Variants in ZNF331 observed in about 807,000 individuals in gnomAD.
ZNF331 encodes the protein C2H2-like zinc finger protein rearranged in thyroid adenomas.
A neutral mutation model predicts 7.0 loss-of-function variants in ZNF331; 2 were observed. That is an observed-to-expected ratio of 0.29 (90% CI 0.12 to 0.90). ZNF331 has a LOEUF of 0.90. ZNF331 is among the 40% of genes least tolerant of loss of function. ZNF331 has a pLI of 0.58. For missense variants in ZNF331, 432 were observed against 587.7 expected (o/e 0.74, Z 2.74); for synonymous variants, 196 against 205.4 (o/e 0.95, Z 0.39).
At chr19:53,556,016 G>A (rs541893027) in intron 3 of ZNF331, 108 bp downstream of exon 3, 13 of 151,728 alleles carry the variant, frequency 8.6e-5, no homozygotes, top group African/African-American at 2.9e-4. Context: ...AGGCCGAGGT[G>A]GGCAAATCAC....
At position 53,576,886 on chromosome 19, in the gene ZNF331, A is replaced by G. The variant is rs112855712; in HGVS notation, c.326A>G (p.Lys109Arg). The change falls in exon 6 of 6, where the codon AAA (lysine) becomes AGA (arginine). Residue 109 changes from lysine to arginine, a missense_variant. Coordinates refer to ENST00000449416, the MANE Select transcript of ZNF331 (RefSeq NM_001079906.2). The stretch of plus-strand genomic sequence containing the variant: ...AATCAGATGATCATCAATTATGTCA[A>G]AAGACCTGCTACTAGAGAAGGCACC... ...YVNQMIINYV[K>R]RPATREGTPP... 7 of 1,614,130 alleles carry G rather than the reference A, an allele frequency of 4.3e-6. No homozygotes were observed. The highest frequency in any genetic ancestry group is 1.6e-4 in the Middle Eastern group (1 of 6,062).
In ZNF331 at chr19:53,576,897, A is replaced by G; in HGVS notation, c.337A>G (p.Thr113Ala). 1 of 1,614,070 alleles carries G rather than the reference A, an allele frequency of 6.2e-7. No homozygotes were observed. Among genetic ancestry groups the G allele is most frequent in the Non-Finnish European group, 8.5e-7 (1 of 1,179,944 alleles). Residue 113 changes from threonine (T) to alanine (A), a missense_variant, in exon 6 of 6, where the codon ACT (threonine) becomes GCT (alanine). This residue lies in a region of ZNF331 where 81 missense variants were observed against 70.3 expected (regional missense o/e 1.15). Transcript: ENST00000449416. The part of the protein sequence containing the change: ...MIINYVKRPA[T>A]REGTPPRTHQ... ...CATCAATTATGTCAAAAGACCTGCT[A>G]CTAGAGAAGGCACCCCTCCTAGAAC...
At chr19:53,517,454 G>A (rs11881286), upstream of ZNF331, among the ~76,000 whole-genome samples, 9,263 of 152,162 alleles carry the variant, frequency 0.061, 317 homozygotes, top group East Asian at 0.15. Flanking sequence ...AGCTCAAAAC[G>A]GCCATCTTAA....
chr19:53,569,365 A>C lies in ZNF331; in HGVS notation c.-12A>C. On this transcript the variant is annotated 5_prime_UTR_variant, in exon 4 of 6. Coordinates refer to ENST00000449416, the MANE Select transcript of ZNF331 (RefSeq NM_001079906.2). ...CCCCGAGAAGACTGATCAGTTCTTCAGTTCTAAAACAATGGCCCAGGTAAG... is the reference window on the plus strand; with the variant it reads ...CCCCGAGAAGACTGATCAGTTCTTCCGTTCTAAAACAATGGCCCAGGTAAG... The C allele has an allele frequency of 6.2e-7, 1 of 1,613,788 alleles. No individual in the cohort carries two copies. Among genetic ancestry groups the C allele is most frequent in the South Asian group, 1.1e-5 (1 of 91,054 alleles).
At chr19:53,536,196 A>T (rs372086031), upstream of ZNF331, 4 of 152,284 alleles carry the variant, frequency 2.6e-5, no homozygotes, top group African/African-American at 7.2e-5. Flanking sequence ...TTTTATGAAA[A>T]TGGATTGAGA....
Position 53,571,881 on chromosome 19 carries a change from C to G in ZNF331, c.136+151C>G. 1 of 988,464 alleles carries G rather than the reference C, an allele frequency of 1.0e-6. No individual in the cohort carries two copies. Among genetic ancestry groups the G allele is most frequent in the Non-Finnish European group, 1.4e-6 (1 of 708,142 alleles). The allele number at this position is 988,464 out of a possible 1,614,324, so 61.2% of individuals were successfully genotyped here. A position where few individuals can be genotyped will look rare whatever the true frequency, so the allele number is the denominator to read the frequency against. Reference sequence around the variant, plus strand: ...GCCTTATTGATGTGGCCGTGAGCACCACAACCTTCCCCTCCCATCCATCGG... The same window carrying G: ...GCCTTATTGATGTGGCCGTGAGCACGACAACCTTCCCCTCCCATCCATCGG... On this transcript the variant is annotated intron_variant, in intron 5 of 5. Coordinates refer to ENST00000449416, the MANE Select transcript of ZNF331 (RefSeq NM_001079906.2). The surrounding 1 kb of genome is among the most constrained non-coding windows in gnomAD (Gnocchi z 4.7).
intron 2 of ZNF331, chr19:53,523,407 CG>C (rs1439402756): frequency 6.6e-6 from 1 of 151,544 alleles, no homozygotes; most frequent in Non-Finnish European, 1.5e-5. Context: ...TTAGTAGAGA[CG>C]GGGTTTCATC....
intron 2 of ZNF331, among the ~76,000 whole-genome samples, chr19:53,544,500 ACG>A (rs1568483922): frequency 1.3e-5 from 2 of 149,534 alleles, no homozygotes; most frequent in Non-Finnish European, 3.0e-5. Flanking sequence ...AGCCGAGATC[ACG>A]CCACTGCACT....
the ZNF331 span, among the ~76,000 whole-genome samples, chr19:53,509,885 C>T: frequency 6.6e-6 from 1 of 152,130 alleles, no homozygotes; most frequent in Admixed American, 6.5e-5. Flanking sequence ...ACAGTCATGG[C>T]AGAAGGGGAA....
At chr19:53,559,617 TACACACATATAC>T (rs2089709344) in intron 3 of ZNF331, among the ~76,000 whole-genome samples, 1 of 129,690 alleles carries the variant, frequency 7.7e-6, no homozygotes, top group Non-Finnish European at 1.7e-5. Context: ...ACCCCATATA[TACACACATATAC>T]ACACACATCC....
chr19:53,534,104 G>A (rs1330741955), upstream of ZNF331, among the ~76,000 whole-genome samples: 3 of 152,286 alleles, frequency 2.0e-5, no homozygotes, highest in Non-Finnish European at 4.4e-5. Context: ...CTGAGACACA[G>A]TGAAAGGTCA....
the ZNF331 span, among the ~76,000 whole-genome samples, chr19:53,505,739 C>T: frequency 7.7e-3 from 1,171 of 152,284 alleles, 10 homozygotes; most frequent in Middle Eastern, 0.024. Context: ...GTAATCCCAG[C>T]GCTTTGGAAG....
the ZNF331 span, chr19:53,503,775 C>G: frequency 1.4e-6 from 1 of 700,228 alleles, no homozygotes; most frequent in Non-Finnish European, 2.6e-6. Context: ...AGCACGCTGG[C>G]TCCTGTGTGT....
intron 2 of ZNF331, among the ~76,000 whole-genome samples, chr19:53,546,199 T>C (rs1445367000): frequency 6.6e-6 from 1 of 150,838 alleles, no homozygotes; most frequent in Non-Finnish European, 1.5e-5. Flanking sequence ...TTGCGGTTTT[T>C]GCCATTATGT....
At chr19:53,565,002 T>A (rs1037925350) in intron 3 of ZNF331, among the ~76,000 whole-genome samples, 2 of 152,248 alleles carry the variant, frequency 1.3e-5, no homozygotes, top group Non-Finnish European at 2.9e-5. Flanking sequence ...TATTTCCTTG[T>A]CATAAATTCC....
At chr19:53,523,031 GTTAA>G (rs1568456920) in intron 2 of ZNF331, among the ~76,000 whole-genome samples, 1 of 151,916 alleles carries the variant, frequency 6.6e-6, no homozygotes, top group Non-Finnish European at 1.5e-5. Context: ...TTTTAACATG[GTTAA>G]TTTTTTAAAT....
At chr19:53,538,094 G>C (rs894891682), upstream of ZNF331, 1 of 152,332 alleles carries the variant, frequency 6.6e-6, no homozygotes, top group Non-Finnish European at 1.5e-5. Context: ...CGCTGGGTGC[G>C]CGTGCGCATG....
Position 53,577,441 on chromosome 19 carries a change from C to T in ZNF331, c.881C>T (p.Thr294Ile). ...CTCATTCAGCATAAAAGAATTCACA[C>T]AGGTGAGAAACCCTATGAATGTCAA... Reference protein sequence around the residue: ...SSLIQHKRIHTGEKPYECQEC... With the variant: ...SSLIQHKRIHIGEKPYECQEC... Residue 294 changes from threonine to isoleucine, a missense_variant, in exon 6 of 6, where the codon ACA (threonine) becomes ATA (isoleucine). Thr to Ile is a moderately conservative substitution (Grantham distance 89). Transcript: ENST00000449416. 2 of 1,614,162 alleles carry T rather than the reference C, an allele frequency of 1.2e-6. No homozygotes were observed. The highest frequency in any genetic ancestry group is 1.7e-6 in the Non-Finnish European group (2 of 1,180,030).
Position 53,577,782 on chromosome 19 carries a change from G to T in ZNF331, c.1222G>T (p.Val408Leu), listed in dbSNP as rs1166469429. The change falls in exon 6 of 6, where the codon GTG (valine) becomes TTG (leucine). Residue 408 changes from valine (V) to leucine (L), a missense_variant. Physicochemically the swap from Val to Leu is conservative, Grantham distance 32. Coordinates refer to ENST00000449416, the MANE Select transcript of ZNF331 (RefSeq NM_001079906.2). ...GAAACATGAGAGAATTCATACCGGG[G>T]TGAAACCCTATGGGTGTACAGAATG... The part of the protein sequence containing the change: ...LVKHERIHTG[V>L]KPYGCTECGK... 8 of 1,613,932 alleles carry T rather than the reference G, an allele frequency of 5.0e-6. 1 individual carries two copies. In the Admixed American group the frequency reaches 8.3e-5, roughly 17 times the overall value.
Sources: allele counts gnomAD v4.1 joint callset (sites outside exome capture counted in the v4.1 genomes callset), GRCh38; gene constraint gnomAD v4.1.1; regional missense constraint gnomAD v4.1.1; non-coding constraint Gnocchi (gnomAD v3.1); transcripts MANE v1.5; gene names NCBI Gene and HGNC (gene_info 2026-07-23, HGNC 2026-07-21).